The following ALG1L2 variants were observed in gnomAD, a reference collection of about 807,000 sequenced individuals.
ALG1L2 encodes the protein putative glycosyltransferase ALG1L2.
A neutral mutation model predicts 29.0 loss-of-function variants in ALG1L2; 32 were observed. The ratio of observed to expected loss-of-function variants is 1.10; its 90% CI spans 0.83 to 1.48. ALG1L2 has a LOEUF of 1.48. ALG1L2 is among the 40% of genes most tolerant of loss of function. ALG1L2 has a pLI of 0.00. For synonymous variants in ALG1L2, 110 were observed against 109.5 expected (o/e 1.00, Z -0.03); for missense variants, 318 against 274.1 (o/e 1.16, Z -1.13).
At chr3:130,090,081 C>T (rs1301558424) in intron 1 of ALG1L2, among the ~76,000 whole-genome samples, 1 of 149,342 alleles carries the variant, frequency 6.7e-6, no homozygotes, top group Non-Finnish European at 1.5e-5. Context: ...GAGGGCCTGG[C>T]ACGGTGGCTC....
intron 1 of ALG1L2, among the ~76,000 whole-genome samples, chr3:130,087,915 G>A (rs1041041332): frequency 5.9e-5 from 9 of 152,308 alleles, no homozygotes; most frequent in African/African-American, 1.4e-4. Flanking sequence ...TCCAGACATC[G>A]GCATGTGTAA....
intron 5 of ALG1L2, among the ~76,000 whole-genome samples, chr3:130,095,286 C>A (rs1166786273): frequency 6.6e-6 from 1 of 151,956 alleles, no homozygotes; most frequent in Non-Finnish European, 1.5e-5. Context: ...TCGCCTTGGC[C>A]TCCCTAAGTG....
chr3:130,087,139 T>A (rs9864226), intron 1 of ALG1L2, among the ~76,000 whole-genome samples: 271 of 146,256 alleles, frequency 1.9e-3, no homozygotes, highest in African/African-American at 6.3e-3. Context: ...ATGAACCTGC[T>A]CCCACCTTCA....
chr3:130,085,440 G>A (rs1421104431), intron 1 of ALG1L2, among the ~76,000 whole-genome samples: 1 of 107,604 alleles, frequency 9.3e-6, no homozygotes, highest in Non-Finnish European at 2.2e-5. Context: ...GTCTCCCTAT[G>A]TCTGCCAGGT....
At chr3:130,087,182 G>A (rs1280248221) in intron 1 of ALG1L2, among the ~76,000 whole-genome samples, 3 of 149,544 alleles carry the variant, frequency 2.0e-5, no homozygotes, top group Non-Finnish European at 3.0e-5. Flanking sequence ...GGTGTAATGG[G>A]GTAAACCATC....
chr3:130,091,472 C>T lies in ALG1L2; in HGVS notation c.131+101C>T, dbSNP rs1422640856. On this transcript the variant is annotated intron_variant, in intron 2 of 7. Coordinates refer to ENST00000425059, the MANE Select transcript of ALG1L2 (RefSeq NM_001136152.1). Reference sequence around the variant, plus strand: ...GGGAACCCACTCATCCAGGGATTGGCAAACTAAGGCTACAGGCCAGTCTCC... The same window carrying T: ...GGGAACCCACTCATCCAGGGATTGGTAAACTAAGGCTACAGGCCAGTCTCC... 64 of 1,226,976 alleles carry T rather than the reference C, an allele frequency of 5.2e-5. No individual in the cohort carries two copies. The East Asian group carries it at 1.5e-3, about 28-fold the overall frequency. 76.0% of individuals were successfully genotyped at this position (1,226,976 alleles called of 1,614,324 possible). A position where few individuals can be genotyped will look rare whatever the true frequency, so the allele number is the denominator to read the frequency against.
Position 130,092,210 on chromosome 3 carries a change from A to C in ALG1L2, c.241A>C (p.Thr81Pro). ...GCGGCCAGCCCTGCTGGTCAGCAGC[A>C]CAAGCTGGACAGGTCTGCATGACCA... ...HERPALLVSSTSWTEFEQLTL... is the reference protein window; with the variant it reads ...HERPALLVSSPSWTEFEQLTL... The change falls in exon 3 of 8, where the codon ACA (threonine) becomes CCA (proline). Residue 81 changes from threonine (T) to proline (P), a missense_variant. Physicochemically the swap from Thr to Pro is conservative, Grantham distance 38. Coordinates refer to ENST00000425059, the MANE Select transcript of ALG1L2 (RefSeq NM_001136152.1). The C allele has an allele frequency of 6.2e-7, 1 of 1,610,834 alleles. No individual in the cohort carries two copies. Among genetic ancestry groups the C allele is most frequent in the Non-Finnish European group, 8.5e-7 (1 of 1,179,160 alleles).
At chr3:130,092,346 C>T (rs1355730912) in intron 3 of ALG1L2, 124 bp downstream of exon 3, 24 of 1,595,972 alleles carry the variant, frequency 1.5e-5, no homozygotes, top group South Asian at 2.2e-5. Flanking sequence ...AAGGGGAGGG[C>T]GTGTGAGCTG....
At chr3:130,091,100 T>G in intron 1 of ALG1L2, 161 bp from the exon 2 acceptor site, 1 of 668,766 alleles carries the variant, frequency 1.5e-6, no homozygotes, top group Non-Finnish European at 2.5e-6. Flanking sequence ...CGGTGATTCC[T>G]CAGGTCTTTA....
At position 130,093,173 on chromosome 3, in the gene ALG1L2, A is replaced by G. The variant is rs1935057129; in HGVS notation, c.313+13A>G. On this transcript the variant is annotated intron_variant, in intron 4 of 7. Coordinates refer to ENST00000425059, the MANE Select transcript of ALG1L2 (RefSeq NM_001136152.1). The stretch of plus-strand genomic sequence containing the variant: ...TGTGTGATAACAGGTACTGCCTGGG[A>G]CCCTGGGTGTCTGTTTGGTTGGGGG... The G allele has an allele frequency of 1.2e-6, 2 of 1,609,438 alleles. No individual in the cohort carries two copies. The highest frequency in any genetic ancestry group is 1.1e-5 in the South Asian group (1 of 90,914).
chr3:130,085,841 C>T (rs112661766), intron 1 of ALG1L2, among the ~76,000 whole-genome samples: 1 of 149,662 alleles, frequency 6.7e-6, no homozygotes, highest in Admixed American at 6.7e-5. Flanking sequence ...TTGCTGTGGC[C>T]ACAATCTCCG....
At chr3:130,084,289 T>TCCC (rs752320888) in intron 1 of ALG1L2, among the ~76,000 whole-genome samples, 2 of 86,074 alleles carry the variant, frequency 2.3e-5, no homozygotes, top group African/African-American at 9.0e-5. Context: ...GAGACCCCAT[T>TCCC]TCCCCCCCTC....
chr3:130,096,553 C>G (rs1416228447), intron 6 of ALG1L2, among the ~76,000 whole-genome samples: 2 of 152,154 alleles, frequency 1.3e-5, no homozygotes, highest in Admixed American at 6.5e-5. Context: ...GTTTCTTTCT[C>G]TCCCACCATG....
chr3:130,097,039 A>C (rs1577331110), intron 6 of ALG1L2, 136 bp from the exon 7 acceptor site: 3 of 1,458,748 alleles, frequency 2.1e-6, no homozygotes, highest in Non-Finnish European at 2.7e-6. Context: ...TCTAAGAACC[A>C]CCTCCCAGAA....
chr3:130,097,128 A>C (rs115266437), intron 6 of ALG1L2, 47 bp from the exon 7 acceptor site: 2 of 1,606,918 alleles, frequency 1.2e-6, no homozygotes, highest in Non-Finnish European at 1.7e-6. Context: ...CCAGGGGTCT[A>C]GTGTCTTCTC....
chr3:130,091,304 G>T lies in ALG1L2; in HGVS notation c.64G>T (p.Ala22Ser). ...YDKPASFFKE[A>S]PLDLQHRLFM... ...CAAGCCGGCATCTTTCTTTAAAGAG[G>T]CACCTCTGGACCTGCAGCACCGGCT... Residue 22 changes from alanine to serine, a missense_variant, in exon 2 of 8, where the codon GCA becomes TCA. By Grantham distance (99) the Ala-to-Ser change is moderately conservative. Coordinates refer to ENST00000425059, the MANE Select transcript of ALG1L2 (RefSeq NM_001136152.1). 1 of 1,599,100 alleles carries T rather than the reference G, an allele frequency of 6.3e-7. No individual in the cohort carries two copies.
chr3:130,098,129 G>A (rs1935185186), intron 7 of ALG1L2, 94 bp from the exon 8 acceptor site: 3 of 1,535,468 alleles, frequency 2.0e-6, no homozygotes, highest in South Asian at 1.2e-5. Context: ...TAGGGACTTG[G>A]GAGGGGTTGT....
At chr3:130,083,892 C>T (rs1393659063) in intron 1 of ALG1L2, among the ~76,000 whole-genome samples, 6 of 149,870 alleles carry the variant, frequency 4.0e-5, no homozygotes, top group African/African-American at 1.2e-4. Flanking sequence ...AAGGGTTGGT[C>T]GTGGGGATGT....
intron 1 of ALG1L2, among the ~76,000 whole-genome samples, chr3:130,086,976 G>T (rs1482359883): frequency 2.0e-5 from 3 of 151,302 alleles, no homozygotes; most frequent in Non-Finnish European, 4.4e-5. Context: ...AAAGCTCCAG[G>T]TTCCAGAACC....
Sources: allele counts gnomAD v4.1 joint callset (sites outside exome capture counted in the v4.1 genomes callset), GRCh38; gene constraint gnomAD v4.1.1; transcripts MANE v1.5; gene names NCBI Gene and HGNC (gene_info 2026-07-23, HGNC 2026-07-21).